The following CTNNA3 variants were observed in gnomAD, a reference collection of about 807,000 sequenced individuals.
CTNNA3 encodes catenin alpha-3.
Under a neutral mutation model 95.7 loss-of-function variants are expected in CTNNA3, and 76 were observed. That is an observed-to-expected ratio of 0.79 (90% CI 0.66 to 0.96). The LOEUF (loss-of-function observed/expected upper bound fraction) is 0.96, where lower values mean the gene tolerates loss of function less well. CTNNA3 is among the 40% of genes least tolerant of loss of function. The pLI, the probability that CTNNA3 is intolerant of heterozygous loss-of-function variation, is 0.00. For missense variants in CTNNA3, 1,191 were observed against 1,089.8 expected, an observed-to-expected ratio of 1.09 and a Z score of -1.31; for synonymous variants, 431 against 374.4, an observed-to-expected ratio of 1.15 and a Z score of -1.74.
intron 6 of CTNNA3, among the ~76,000 whole-genome samples, chr10:67,181,486 C>A (rs1862541104): frequency 6.6e-6 from 1 of 152,028 alleles, no homozygotes; most frequent in Admixed American, 6.6e-5. Context: ...CTCTGAAGAA[C>A]CCTTAACATG....
chr10:66,554,660 T>G (rs1842336659), intron 10 of CTNNA3, among the ~76,000 whole-genome samples: 1 of 152,144 alleles, frequency 6.6e-6, no homozygotes, highest in African/African-American at 2.4e-5. Flanking sequence ...TTTCAGCTAT[T>G]TTTACCCTTC....
At chr10:67,244,915 G>A (rs1276258397) in intron 5 of CTNNA3, among the ~76,000 whole-genome samples, 2 of 152,156 alleles carry the variant, frequency 1.3e-5, no homozygotes, top group African/African-American at 4.8e-5. Context: ...CTAATTGCCA[G>A]TGCCAAACAC....
At chr10:66,717,574 C>T (rs4746634) in intron 9 of CTNNA3, among the ~76,000 whole-genome samples, 137,351 of 152,110 alleles carry the variant, frequency 0.9, 62,254 homozygotes, top group East Asian at 1. Context: ...CCTGGATAAG[C>T]TGGCATGTGG....
intron 11 of CTNNA3, among the ~76,000 whole-genome samples, chr10:66,498,248 T>A (rs1840162865): frequency 6.6e-6 from 1 of 152,060 alleles, no homozygotes; most frequent in African/African-American, 2.4e-5. Context: ...ATTTTAATAT[T>A]TATAGAGGGG....
chr10:67,271,068 T>C (rs540798639), intron 5 of CTNNA3, among the ~76,000 whole-genome samples: 65 of 152,284 alleles, frequency 4.3e-4, no homozygotes, highest in Non-Finnish European at 7.2e-4. Flanking sequence ...GATAGGAATA[T>C]GCATGAGTGA....
intron 7 of CTNNA3, among the ~76,000 whole-genome samples, chr10:66,941,739 G>A (rs1045972263): frequency 3.3e-5 from 5 of 152,180 alleles, no homozygotes; most frequent in African/African-American, 1.2e-4. Context: ...CAAGCCGCGT[G>A]AGCTGAGTGT....
rs1554886320 is a variant in CTNNA3, at chr10:66,957,403, T to TATATATGC, written c.1048-181880_1048-181879insGCATATAT. Among the ~76,000 whole-genome samples, 16 of 33,826 alleles carry TATATATGC rather than the reference T, an allele frequency of 4.7e-4. 2 individuals are homozygous for TATATATGC. Among genetic ancestry groups the TATATATGC allele is most frequent in the Admixed American group, 3.0e-3 (13 of 4,340 alleles). 22.2% of individuals were successfully genotyped at this position (33,826 alleles called of 152,430 possible). ...GTGTGTATATATATACATATATATA[T>TATATATGC]ATATATATATGCATATATATATATG... is the stretch of plus-strand genomic sequence containing the variant. On this transcript the variant is annotated intron_variant, in intron 7 of 17. Transcript: ENST00000433211.
chr10:66,888,573 A>T (rs1845138839), intron 7 of CTNNA3, among the ~76,000 whole-genome samples: 1 of 152,148 alleles, frequency 6.6e-6, no homozygotes, highest in African/African-American at 2.4e-5. Context: ...CAATGGGGAA[A>T]AAATAACAAA....
chr10:66,310,076 C>T lies in CTNNA3; in HGVS notation c.1733-29455G>A, dbSNP rs564829956. 1.7e-4 allele frequency among the ~76,000 whole-genome samples: 26 copies of T among 151,388 alleles called. No homozygotes were observed. In the East Asian group the frequency reaches 5.1e-3, roughly 29 times the overall value. On this transcript the variant is annotated intron_variant, in intron 12 of 17. Transcript: ENST00000433211. ...GAGGTTGCAGTGAGCTGAGATTGCACCACTGCACTCCAGCCTGGGCGACAG... is the reference window on the plus strand; with the variant it reads ...GAGGTTGCAGTGAGCTGAGATTGCATCACTGCACTCCAGCCTGGGCGACAG...
chr10:66,349,727 A>G (rs2132386624), intron 12 of CTNNA3, among the ~76,000 whole-genome samples: 1 of 152,224 alleles, frequency 6.6e-6, no homozygotes, highest in East Asian at 1.9e-4. Flanking sequence ...GTGCAGTAAC[A>G]AGTTTGAGAG....
intron 9 of CTNNA3, among the ~76,000 whole-genome samples, chr10:66,674,372 T>C (rs1038559980): frequency 1.3e-5 from 2 of 152,038 alleles, no homozygotes; most frequent in Non-Finnish European, 2.9e-5. Flanking sequence ...ATTCAGTGTA[T>C]AGTGTAATTA....
At chr10:67,471,248 C>T (rs1847811139) in intron 5 of CTNNA3, among the ~76,000 whole-genome samples, 1 of 152,214 alleles carries the variant, frequency 6.6e-6, no homozygotes, top group Non-Finnish European at 1.5e-5. Context: ...CCCTTTTAAA[C>T]ACAATATAAC....
chr10:66,657,527 C>T (rs1846109994), intron 9 of CTNNA3, among the ~76,000 whole-genome samples: 1 of 152,108 alleles, frequency 6.6e-6, no homozygotes, highest in Non-Finnish European at 1.5e-5. Context: ...TGACAAATTC[C>T]TGACTCTTTA....
chr10:66,571,265 T>C (rs1842859149), intron 10 of CTNNA3, among the ~76,000 whole-genome samples: 1 of 152,202 alleles, frequency 6.6e-6, no homozygotes, highest in African/African-American at 2.4e-5. Flanking sequence ...AGGTGTATTA[T>C]CATGCCTGCT....
chr10:67,293,707 C>T (rs974526931), intron 5 of CTNNA3, among the ~76,000 whole-genome samples: 1 of 145,406 alleles, frequency 6.9e-6, no homozygotes, highest in Non-Finnish European at 1.5e-5. Flanking sequence ...TGATGTCCCC[C>T]TTCCTGTGTC....
intron 2 of CTNNA3, among the ~76,000 whole-genome samples, chr10:67,612,963 C>T (rs1280429524): frequency 1.3e-5 from 2 of 152,216 alleles, no homozygotes; most frequent in African/African-American, 4.8e-5. Flanking sequence ...TACATTCCCA[C>T]TAGAGCCGTC....
intron 10 of CTNNA3, among the ~76,000 whole-genome samples, chr10:66,618,844 G>T (rs1381012772): frequency 6.6e-6 from 1 of 151,976 alleles, no homozygotes; most frequent in Non-Finnish European, 1.5e-5. Flanking sequence ...AATCTACAAT[G>T]AACTCAAACA....
chr10:66,120,397 TAGTTA>T (rs2082527829), intron 13 of CTNNA3, among the ~76,000 whole-genome samples: 1 of 152,186 alleles, frequency 6.6e-6, no homozygotes, highest in Non-Finnish European at 1.5e-5. Flanking sequence ...GTATACTGTC[TAGTTA>T]ATACTGTTAG....
intron 4 of CTNNA3, among the ~76,000 whole-genome samples, chr10:67,525,572 C>T (rs1840116083): frequency 6.6e-6 from 1 of 152,146 alleles, no homozygotes; most frequent in East Asian, 1.9e-4. Flanking sequence ...GTGTTCTATA[C>T]AAATTATGCA....
Sources: allele counts gnomAD v4.1 joint callset (sites outside exome capture counted in the v4.1 genomes callset), GRCh38; gene constraint gnomAD v4.1.1; transcripts MANE v1.5; gene names NCBI Gene and HGNC (gene_info 2026-07-23, HGNC 2026-07-21).